Variants in CCDC85A observed in about 807,000 individuals in gnomAD.
The protein encoded by CCDC85A is coiled-coil domain-containing protein 85A.
Under a neutral mutation model 50.2 loss-of-function variants are expected in CCDC85A, and 38 were observed. The observed-to-expected ratio is 0.76, with a 90% CI of 0.58 to 0.99. CCDC85A has a LOEUF of 0.99. Among genes scored for constraint, CCDC85A ranks in the 50% least tolerant of loss-of-function variants. CCDC85A has a pLI of 0.00. For synonymous variants in CCDC85A, 366 were observed against 301.4 expected, an observed-to-expected ratio of 1.21 and a Z score of -2.22; for missense variants, 820 against 742.0, an observed-to-expected ratio of 1.11 and a Z score of -1.22.
intron 2 of CCDC85A, among the ~76,000 whole-genome samples, chr2:56,264,460 C>T (rs1482264782): frequency 6.6e-6 from 1 of 152,102 alleles, no homozygotes; most frequent in African/African-American, 2.4e-5. Context: ...ATTTCATACC[C>T]AAACCACCTG....
intron 4 of CCDC85A, among the ~76,000 whole-genome samples, chr2:56,374,333 A>G (rs2104395183): frequency 6.6e-6 from 1 of 152,318 alleles, no homozygotes; most frequent in South Asian, 2.1e-4. Flanking sequence ...CTTTGAGGAC[A>G]TAGGAGAAAT....
intron 2 of CCDC85A, among the ~76,000 whole-genome samples, chr2:56,211,481 C>G (rs1411122011): frequency 6.6e-6 from 1 of 151,930 alleles, no homozygotes; most frequent in East Asian, 1.9e-4. Context: ...GGTGTTATCA[C>G]TATCATTGTA....
intron 2 of CCDC85A, among the ~76,000 whole-genome samples, chr2:56,303,917 A>T (rs6751240): frequency 4.6e-5 from 7 of 151,992 alleles, no homozygotes; most frequent in Non-Finnish European, 8.8e-5. Context: ...GCATTTTGGG[A>T]AACTGACACT....
At position 56,383,891 on chromosome 2, in the gene CCDC85A, G is replaced by A. The variant is rs539192148; in HGVS notation, c.1573-375G>A. The A allele has an allele frequency of 8.6e-4, 321 of 374,066 alleles. 1 individual carries two copies. The highest frequency in any genetic ancestry group is 6.6e-3 in the African/African-American group (297 of 45,252). 23.2% of individuals were successfully genotyped at this position (374,066 alleles called of 1,614,324 possible). On this transcript the variant is annotated intron_variant, in intron 5 of 5. Coordinates refer to ENST00000407595, the MANE Select transcript of CCDC85A (RefSeq NM_001080433.2). ...TACTTTTAGAGCTTTTTTTAAAAAT[G>A]CAGTTGTCCATGCCTCACTTCTCCC...
At chr2:56,305,723 A>G (rs535142068) in intron 2 of CCDC85A, among the ~76,000 whole-genome samples, 6 of 152,366 alleles carry the variant, frequency 3.9e-5, no homozygotes, top group Admixed American at 3.9e-4. Flanking sequence ...CTTGGGTTTA[A>G]TTGATTGGCT....
intron 2 of CCDC85A, among the ~76,000 whole-genome samples, chr2:56,242,043 C>G (rs1242617153): frequency 6.6e-6 from 1 of 152,172 alleles, no homozygotes; most frequent in Non-Finnish European, 1.5e-5. Flanking sequence ...GAGATGGTCT[C>G]TCATTGCAGT....
intron 3 of CCDC85A, 129 bp downstream of exon 3, chr2:56,343,084 C>T: frequency 1.6e-6 from 1 of 623,452 alleles, no homozygotes; most frequent in Non-Finnish European, 2.8e-6. Flanking sequence ...AGCCATTCAT[C>T]AATGTAGAGT....
chr2:56,332,388 T>C (rs1246362735), intron 2 of CCDC85A, among the ~76,000 whole-genome samples: 1 of 152,152 alleles, frequency 6.6e-6, no homozygotes, highest in Admixed American at 6.5e-5. Context: ...CAGGCACCCA[T>C]AGATTTGGTG....
chr2:56,363,764 C>G (rs1434645213), intron 3 of CCDC85A, among the ~76,000 whole-genome samples: 1 of 152,178 alleles, frequency 6.6e-6, no homozygotes, highest in African/African-American at 2.4e-5. Context: ...GTGTTTAACA[C>G]AATTATTAAT....
At chr2:56,353,111 T>C (rs1675040793) in intron 3 of CCDC85A, among the ~76,000 whole-genome samples, 1 of 152,222 alleles carries the variant, frequency 6.6e-6, no homozygotes, top group African/African-American at 2.4e-5. Context: ...GGGGTTACTC[T>C]ACCTCACTGG....
intron 1 of CCDC85A, among the ~76,000 whole-genome samples, chr2:56,187,212 G>T (rs565693436): frequency 6.6e-6 from 1 of 152,148 alleles, no homozygotes; most frequent in African/African-American, 2.4e-5. Context: ...TTAAGGGCGT[G>T]GGGGAGCGTC....
At chr2:56,358,601 A>G (rs1423046338) in intron 3 of CCDC85A, among the ~76,000 whole-genome samples, 2 of 152,332 alleles carry the variant, frequency 1.3e-5, no homozygotes, top group East Asian at 3.9e-4. Flanking sequence ...TAGTGTGAGA[A>G]GAGCAGAAAA....
At chr2:56,293,020 G>A (rs906754825) in intron 2 of CCDC85A, among the ~76,000 whole-genome samples, 6 of 152,146 alleles carry the variant, frequency 3.9e-5, no homozygotes, top group South Asian at 2.1e-4. Context: ...ATGAGAGCAG[G>A]TTTACAGTGC....
intron 3 of CCDC85A, among the ~76,000 whole-genome samples, chr2:56,352,640 CT>C (rs1341120958): frequency 6.6e-6 from 1 of 152,200 alleles, no homozygotes; most frequent in Admixed American, 6.5e-5. Flanking sequence ...GCCACTGCCC[CT>C]GGCAAGACTT....
intron 2 of CCDC85A, among the ~76,000 whole-genome samples, chr2:56,282,735 C>T (rs933966065): frequency 1.3e-5 from 2 of 152,228 alleles, no homozygotes; most frequent in African/African-American, 4.8e-5. Flanking sequence ...GTCTCGAACT[C>T]CTGACCTCAT....
At chr2:56,231,936 C>T (rs1208153489) in intron 2 of CCDC85A, among the ~76,000 whole-genome samples, 1 of 152,084 alleles carries the variant, frequency 6.6e-6, no homozygotes, top group East Asian at 1.9e-4. Context: ...GATGGCCATT[C>T]TGTCCCTGTA....
At chr2:56,269,752 AT>A (rs1333010265) in intron 2 of CCDC85A, among the ~76,000 whole-genome samples, 9 of 151,874 alleles carry the variant, frequency 5.9e-5, no homozygotes, top group Admixed American at 2.6e-4. Context: ...AAAGCCTTTC[AT>A]TTTTTTTAAG....
Position 56,383,877 on chromosome 2 carries a change from C to T in CCDC85A, c.1573-389C>T, listed in dbSNP as rs1161864801. ...CTACACATTAGAATTACTTTTAGAG[C>T]TTTTTTTAAAAATGCAGTTGTCCAT... On this transcript the variant is annotated intron_variant, in intron 5 of 5. Coordinates refer to ENST00000407595, the MANE Select transcript of CCDC85A (RefSeq NM_001080433.2). 6.0e-6 allele frequency: 3 copies of T among 502,262 alleles called. No homozygotes were observed. In the East Asian group the frequency reaches 4.5e-4, roughly 76 times the overall value. The allele number at this position is 502,262 out of a possible 1,614,324, so 31.1% of individuals were successfully genotyped here.
chr2:56,302,029 G>T (rs907065184), intron 2 of CCDC85A, among the ~76,000 whole-genome samples: 1 of 152,114 alleles, frequency 6.6e-6, no homozygotes, highest in Admixed American at 6.6e-5. Context: ...GCCGAGGCAG[G>T]TGTATCACTT....
Sources: gnomAD v4.1 joint callset for allele counts (sites outside exome capture counted in the v4.1 genomes callset) on GRCh38, gnomAD v4.1.1 for gene constraint, MANE v1.5 for transcripts, NCBI Gene and HGNC (gene_info 2026-07-23, HGNC 2026-07-21) for gene names.